EHMT1: variants seen among roughly 807,000 people sequenced by gnomAD.
EHMT1 encodes histone-lysine N-methyltransferase EHMT1.
Under a neutral mutation model 147.2 loss-of-function variants are expected in EHMT1, and 15 were observed. That is an observed-to-expected ratio of 0.10 (90% CI 0.07 to 0.16). The LOEUF (loss-of-function observed/expected upper bound fraction) is 0.16, where lower values mean the gene tolerates loss of function less well. Among genes scored for constraint, EHMT1 ranks in the 10% least tolerant of loss-of-function variants. The pLI, the probability that EHMT1 is intolerant of heterozygous loss-of-function variation, is 1.00. For synonymous variants in EHMT1, 795 were observed against 709.6 expected, an observed-to-expected ratio of 1.12 and a Z score of -1.91; for missense variants, 1,587 against 1,772.4, an observed-to-expected ratio of 0.90 and a Z score of 1.88.
At chr9:137,791,963 C>T in intron 16 of EHMT1, 1 of 398,672 alleles carries the variant, frequency 2.5e-6, no homozygotes, top group South Asian at 1.9e-5. Context: ...GAACTCCTGA[C>T]CTCAGGTGAT....
At chr9:137,672,895 C>T (rs1208977019) in intron 1 of EHMT1, among the ~76,000 whole-genome samples, 1 of 152,190 alleles carries the variant, frequency 6.6e-6, no homozygotes, top group Non-Finnish European at 1.5e-5. Flanking sequence ...ATGTGGTCTT[C>T]TACCAGGAAC....
chr9:137,711,307 C>T (rs1461186643), intron 2 of EHMT1, among the ~76,000 whole-genome samples: 2 of 152,228 alleles, frequency 1.3e-5, no homozygotes, highest in South Asian at 2.1e-4. Flanking sequence ...AGTGAGTGGC[C>T]ACACAAATGT....
intron 1 of EHMT1, among the ~76,000 whole-genome samples, chr9:137,706,991 A>T (rs907447463): frequency 6.6e-6 from 1 of 150,912 alleles, no homozygotes; most frequent in Non-Finnish European, 1.5e-5. Context: ...CTCCCGGCTA[A>T]TTTTTATATT....
chr9:137,724,853 ACG>A (rs1471652778), intron 3 of EHMT1, among the ~76,000 whole-genome samples: 20 of 147,502 alleles, frequency 1.4e-4, no homozygotes, highest in African/African-American at 4.8e-4. Flanking sequence ...CGTGTGGCAG[ACG>A]TGTGGCATTC....
chr9:137,619,257 C>T (rs1488934203), intron 1 of EHMT1, among the ~76,000 whole-genome samples: 2 of 141,760 alleles, frequency 1.4e-5, no homozygotes, highest in African/African-American at 5.1e-5. Context: ...TCCCGCCGGG[C>T]GCGCTTTGTG....
intron 1 of EHMT1, among the ~76,000 whole-genome samples, chr9:137,649,400 C>A (rs1845142726): frequency 6.6e-6 from 1 of 151,962 alleles, no homozygotes; most frequent in African/African-American, 2.4e-5. Flanking sequence ...GCGGAGGTGG[C>A]AGTGAGCTGA....
Position 137,777,876 on chromosome 9 carries a change from C to G in EHMT1, c.2019-6C>G, listed in dbSNP as rs765084477. On this transcript the variant is annotated splice_polypyrimidine_tract_variant and splice_region_variant and intron_variant, in intron 12 of 26. Transcript: ENST00000460843. The stretch of plus-strand genomic sequence containing the variant: ...ATAAACCTTTCCCCGATTTCCTCCC[C>G]TGAAGTGCTGCCGGGCCACCACTCT... 1 of 1,612,880 alleles carries G rather than the reference C, an allele frequency of 6.2e-7. No homozygotes were observed. The highest frequency in any genetic ancestry group is 8.5e-7 in the Non-Finnish European group (1 of 1,180,030).
rs1950860164 is a variant in EHMT1, at chr9:137,775,036, C to T, written c.1648-73C>T. The T allele has an allele frequency of 1.7e-5, 28 of 1,606,400 alleles. No homozygotes were observed. In the South Asian group the frequency reaches 3.1e-4, roughly 18 times the overall value. On this transcript the variant is annotated intron_variant, in intron 10 of 26. Coordinates refer to ENST00000460843, the MANE Select transcript of EHMT1 (RefSeq NM_024757.5). This position sits in a 1 kb window ranked among gnomAD's most constrained non-coding sequence, Gnocchi z 6.1. ...GAGCAGCTCTTGTGTGCCTGCACTGCCCAGCGCCTGGTGGGAGGGAATGCC... is the reference window on the plus strand; with the variant it reads ...GAGCAGCTCTTGTGTGCCTGCACTGTCCAGCGCCTGGTGGGAGGGAATGCC...
At chr9:137,803,537 T>C (rs1360725551) in intron 18 of EHMT1, among the ~76,000 whole-genome samples, 1 of 152,246 alleles carries the variant, frequency 6.6e-6, no homozygotes, top group Non-Finnish European at 1.5e-5. Context: ...TGTGTCTGTT[T>C]ACCCTTCACC....
At chr9:137,655,020 T>G (rs549791013) in intron 1 of EHMT1, among the ~76,000 whole-genome samples, 1 of 151,714 alleles carries the variant, frequency 6.6e-6, no homozygotes, top group Non-Finnish European at 1.5e-5. Context: ...TTTTTCGAGA[T>G]GGAGTCTTGC....
At chr9:137,706,118 A>C (rs943729413) in intron 1 of EHMT1, among the ~76,000 whole-genome samples, 1 of 152,056 alleles carries the variant, frequency 6.6e-6, no homozygotes, top group East Asian at 1.9e-4. Context: ...GTCAAGGCAC[A>C]CGGGGCCATG....
intron 3 of EHMT1, among the ~76,000 whole-genome samples, chr9:137,717,794 T>C (rs1233474556): frequency 6.6e-6 from 1 of 152,094 alleles, no homozygotes; most frequent in Non-Finnish European, 1.5e-5. Context: ...ACATTGGGGC[T>C]TTCACTCCAG....
In EHMT1 at chr9:137,811,763, C is replaced by A. The variant is rs1024787822; in HGVS notation, c.2867+148C>A. The A allele has an allele frequency of 3.7e-6, 4 of 1,088,008 alleles. No individual in the cohort carries two copies. In the African/African-American group the frequency reaches 4.7e-5, roughly 13 times the overall value. The allele number at this position is 1,088,008 out of a possible 1,614,324, so 67.4% of individuals were successfully genotyped here. On this transcript the variant is annotated intron_variant, in intron 19 of 26. Coordinates refer to ENST00000460843, the MANE Select transcript of EHMT1 (RefSeq NM_024757.5). The stretch of plus-strand genomic sequence containing the variant: ...GTGTGGAAGTCCATCCTTGGTGTTC[C>A]ACACGCAGAGAAGTGTCTTTCCCAG...
chr9:137,663,044 C>T lies in EHMT1; in HGVS notation c.21+43995C>T, dbSNP rs376117327. Among the ~76,000 whole-genome samples the T allele has an allele frequency of 3.3e-4, 50 of 151,576 alleles. No homozygotes were observed. The South Asian group carries it at 8.8e-3, about 27-fold the overall frequency. On this transcript the variant is annotated intron_variant, in intron 1 of 26. Coordinates refer to ENST00000460843, the MANE Select transcript of EHMT1 (RefSeq NM_024757.5). ...CCTGACCTCAGGCGATCACCTGCCT[C>T]GGCCTCCCAAAGTGCTGGGAATACA...
intron 1 of EHMT1, among the ~76,000 whole-genome samples, chr9:137,684,472 C>T (rs903062529): frequency 2.0e-5 from 3 of 152,042 alleles, no homozygotes; most frequent in African/African-American, 7.2e-5. Flanking sequence ...TCCTACAAAG[C>T]CATTATTTTT....
chr9:137,688,684 C>T (rs1360761126), intron 1 of EHMT1, among the ~76,000 whole-genome samples: 3 of 152,208 alleles, frequency 2.0e-5, no homozygotes, highest in Non-Finnish European at 4.4e-5. Context: ...GATTGTCCAA[C>T]CGCTATCCAC....
intron 2 of EHMT1, chr9:137,715,637 T>A (rs1945143203): frequency 1.0e-6 from 1 of 985,332 alleles, no homozygotes; most frequent in Non-Finnish European, 1.2e-6. Flanking sequence ...CTGAGCTGAG[T>A]GTGTGTGTCA....
At chr9:137,633,502 G>C (rs1013639109) in intron 1 of EHMT1, among the ~76,000 whole-genome samples, 2 of 152,058 alleles carry the variant, frequency 1.3e-5, no homozygotes, top group Non-Finnish European at 2.9e-5. Flanking sequence ...TCTTCACACC[G>C]ATAGCTGTTG....
chr9:137,643,337 G>GTTTT (rs71493685), intron 1 of EHMT1, among the ~76,000 whole-genome samples: 14 of 111,832 alleles, frequency 1.3e-4, no homozygotes, highest in South Asian at 6.0e-4. Context: ...GTGTATAAAG[G>GTTTT]TTTTTTTTTT....
Sources: gnomAD v4.1 joint callset for allele counts (sites outside exome capture counted in the v4.1 genomes callset) on GRCh38, gnomAD v4.1.1 for gene constraint, Gnocchi (gnomAD v3.1) non-coding constraint, MANE v1.5 for transcripts, NCBI Gene and HGNC (gene_info 2026-07-23, HGNC 2026-07-21) for gene names.